Variants in SFXN3 observed in about 807,000 individuals in gnomAD.
The protein encoded by SFXN3 is sideroflexin-3.
SFXN3 carries 31 observed loss-of-function variants against 40.4 expected under a neutral mutation model. The observed-to-expected ratio is 0.77, with a 90% confidence interval of 0.58 to 1.04. The LOEUF is 1.04. Among genes scored for constraint, SFXN3 ranks in the 50% least tolerant of loss-of-function variants. SFXN3 has a pLI of 0.00. For synonymous variants in SFXN3, 157 were observed against 160.0 expected, an observed-to-expected ratio of 0.98 and a Z score of 0.14; for missense variants, 366 against 408.2, an observed-to-expected ratio of 0.90 and a Z score of 0.89.
Position 101,036,128 on chromosome 10 carries a change from G to C in SFXN3, c.431+27G>C. ...TGAGAGCCAGCCCCCAGCAGCAGCT[G>C]CACTGTCCCATCTGACCCTCTCCTC... On this transcript the variant is annotated intron_variant, in intron 5 of 11. Coordinates refer to ENST00000393459, the Ensembl canonical transcript of SFXN3. The surrounding 1 kb of genome is among the most constrained non-coding windows in gnomAD (Gnocchi z 4.2). 1 of 1,573,700 alleles carries C rather than the reference G, an allele frequency of 6.4e-7. No homozygotes were observed. The highest frequency in any genetic ancestry group is 8.7e-7 in the Non-Finnish European group (1 of 1,144,242).
Position 101,036,951 on chromosome 10 carries a change from T to C in SFXN3, c.594-125T>C. 6.6e-7 allele frequency: 1 copy of C among 1,522,018 alleles called. No individual in the cohort carries two copies. The highest frequency in any genetic ancestry group is 8.8e-7 in the Non-Finnish European group (1 of 1,130,038). 94.3% of individuals were successfully genotyped at this position (1,522,018 alleles called of 1,614,324 possible). On this transcript the variant is annotated intron_variant, in intron 7 of 11. Coordinates refer to ENST00000393459, the Ensembl canonical transcript of SFXN3. This position sits in a 1 kb window ranked among gnomAD's most constrained non-coding sequence, Gnocchi z 4.2. ...CTGGCTCAGTCTGACCCTGGGATCCTCAGGTGGGAGAACCAGCCTTTGAGC... is the reference window on the plus strand; with the variant it reads ...CTGGCTCAGTCTGACCCTGGGATCCCCAGGTGGGAGAACCAGCCTTTGAGC...
Position 101,039,432 on chromosome 10 carries a change from G to C in SFXN3, c.870-57G>C. 1 of 1,508,080 alleles carries C rather than the reference G, an allele frequency of 6.6e-7. No homozygotes were observed. The highest frequency in any genetic ancestry group is 9.2e-7 in the Non-Finnish European group (1 of 1,083,938). 93.4% of individuals were successfully genotyped at this position (1,508,080 alleles called of 1,614,324 possible). ...GGAGGAGGTGGGATGGCAATCCCTG[G>C]GCCTGAGTGGGGTTGGATTCAGGGG... is the stretch of plus-strand genomic sequence containing the variant. On this transcript the variant is annotated intron_variant, in intron 11 of 11. Coordinates refer to ENST00000393459, the Ensembl canonical transcript of SFXN3. The surrounding 1 kb of genome is among the most constrained non-coding windows in gnomAD (Gnocchi z 4.6).
chr10:101,032,084 T>C (rs953296332), intron 1 of SFXN3: 1 of 220,776 alleles, frequency 4.5e-6, no homozygotes, highest in Non-Finnish European at 8.9e-6. Context: ...CCCGGGGCTT[T>C]CTCTCTGGGC....
In SFXN3 at chr10:101,036,074, G is replaced by T; in HGVS notation, c.404G>T (p.Arg135Leu). The T allele has an allele frequency of 1.2e-6, 2 of 1,613,860 alleles. No homozygotes were observed. Among genetic ancestry groups the T allele is most frequent in the Non-Finnish European group, 1.7e-6 (2 of 1,179,874 alleles). Residue 135 changes from arginine to leucine, a missense_variant, in exon 5 of 12, where the codon CGC becomes CTC. Physicochemically the swap from Arg to Leu is moderately radical, Grantham distance 102. Coordinates refer to ENST00000393459, the Ensembl canonical transcript of SFXN3. This position sits in a 1 kb window ranked among gnomAD's most constrained non-coding sequence, Gnocchi z 4.2. ...AATGCCATTGTTAACTACTCCAACCGCAGTGGTGACACTCCCATCACTGTG... is the reference window on the plus strand; with the variant it reads ...AATGCCATTGTTAACTACTCCAACCTCAGTGGTGACACTCCCATCACTGTG...
chr10:101,038,429 G>C, intron 9 of SFXN3: 1 of 1,433,246 alleles, frequency 7.0e-7, no homozygotes, highest in Non-Finnish European at 9.1e-7. Flanking sequence ...GAGGTCATGG[G>C]ATGCCGGGGA....
rs769426357 is a variant in SFXN3, at chr10:101,039,221, A to G, written c.868A>G (p.Ser290Gly). The change falls in exon 11 of 12, where the codon AGC (serine) becomes GGC (glycine). Residue 290 changes from serine to glycine, a missense_variant and splice_region_variant. Transcript: ENST00000393459. The surrounding 1 kb of genome is among the most constrained non-coding windows in gnomAD (Gnocchi z 4.6). ...GTGCTGTGCCCTATTCCCCCAGAAG[A>G]GGTAAGTGCTGTCCCTGGGCTGGGT... The G allele has an allele frequency of 3.2e-5, 52 of 1,603,698 alleles. No individual in the cohort carries two copies. Among genetic ancestry groups the G allele is most frequent in the Middle Eastern group, 1.7e-4 (1 of 6,024 alleles).
At chr10:101,035,392 G>T (rs1938539485) in intron 3 of SFXN3, 105 bp from the exon 4 acceptor site, 2 of 1,351,660 alleles carry the variant, frequency 1.5e-6, no homozygotes, top group Non-Finnish European at 2.0e-6. Context: ...GGGGGCTGAA[G>T]TTCCTGGTTC....
rs1938293230 is a variant in SFXN3 at position 101,032,312 on chromosome 10, A to C, written c.-172-2A>C. 1.4e-6 allele frequency: 1 copy of C among 733,806 alleles called. No individual in the cohort carries two copies. Among genetic ancestry groups the C allele is most frequent in the Non-Finnish European group, 2.1e-6 (1 of 471,810 alleles). The allele number at this position is 733,806 out of a possible 1,614,324, so 45.5% of individuals were successfully genotyped here. A position where few individuals can be genotyped will look rare whatever the true frequency, so the allele number is the denominator to read the frequency against. On this transcript the variant is annotated splice_acceptor_variant, in intron 1 of 11. Coordinates refer to ENST00000393459, the Ensembl canonical transcript of SFXN3. LOFTEE classifies it low-confidence loss of function (5UTR_SPLICE). ...GCCTCGAATGACACCCACCGCCCTCAGGTTCTGCCAATCCCCGTGCCCACC... is the reference window on the plus strand; with the variant it reads ...GCCTCGAATGACACCCACCGCCCTCCGGTTCTGCCAATCCCCGTGCCCACC...
Position 101,039,265 on chromosome 10 carries a change from C to A in SFXN3, c.869+43C>A. On this transcript the variant is annotated intron_variant, in intron 11 of 11. Transcript: ENST00000393459. This position sits in a 1 kb window ranked among gnomAD's most constrained non-coding sequence, Gnocchi z 4.6. ...GCTGGGTGGGGGACTCTGGATTGGA[C>A]TCTGCATCTCTGGACCAGCTGACCT... 4 of 1,539,142 alleles carry A rather than the reference C, an allele frequency of 2.6e-6. No homozygotes were observed. Among genetic ancestry groups the A allele is most frequent in the Non-Finnish European group, 3.5e-6 (4 of 1,127,524 alleles).
intron 2 of SFXN3, among the ~76,000 whole-genome samples, chr10:101,034,236 C>T (rs1193625918): frequency 1.3e-5 from 2 of 152,246 alleles, no homozygotes; most frequent in East Asian, 1.9e-4. Context: ...TGTGGCTTTC[C>T]GCAGTTAATT....
rs895653030 is a variant in SFXN3 at position 101,037,840 on chromosome 10, A to G, written c.771+409A>G. ...CAGGAACAAGCTCTGGCTCATTCAC[A>G]GAATCATTTATTCACAAATGTATTG... On this transcript the variant is annotated intron_variant, in intron 9 of 11. Transcript: ENST00000393459. The G allele has an allele frequency of 3.7e-6, 4 of 1,080,774 alleles. No individual in the cohort carries two copies. The Admixed American group carries it at 1.4e-4, about 38-fold the overall frequency. The allele number at this position is 1,080,774 out of a possible 1,614,324, so 66.9% of individuals were successfully genotyped here.
At chr10:101,032,825 G>A (rs972210008) in intron 2 of SFXN3, among the ~76,000 whole-genome samples, 3 of 152,186 alleles carry the variant, frequency 2.0e-5, no homozygotes, top group Non-Finnish European at 2.9e-5. Context: ...CTGCCTCTGC[G>A]GGAGGAAGTG....
At chr10:101,035,847 T>C (rs1938571614) in intron 4 of SFXN3, 156 bp from the exon 5 acceptor site, 1 of 1,092,264 alleles carries the variant, frequency 9.2e-7, no homozygotes, top group Admixed American at 2.1e-5. Context: ...TTTGTATAAA[T>C]GGGGGTGGGG....
rs998273061 is a variant in SFXN3 at position 101,038,671 on chromosome 10, A to G, written c.800A>G (p.Gln267Arg). ...CGCCCCTGGCTGGGGGCACCCCTGC[A>G]GGTGGGACTGGTGGGCTTCTGGTAA... The change falls in exon 10 of 12, where the codon CAG becomes CGG. Residue 267 changes from glutamine to arginine, a missense_variant. Gln to Arg is a conservative substitution (Grantham distance 43). Coordinates refer to ENST00000393459, the Ensembl canonical transcript of SFXN3. The G allele has an allele frequency of 1.2e-6, 2 of 1,612,736 alleles. No homozygotes were observed. Among genetic ancestry groups the G allele is most frequent in the Admixed American group, 3.3e-5 (2 of 60,012 alleles).
chr10:101,034,714 ACAT>A, exon 3 of SFXN3: 1 of 1,614,058 alleles, frequency 6.2e-7, no homozygotes, highest in Non-Finnish European at 8.5e-7. Context: ...TTGCCTTTAG[ACAT>A]CAACATCCAG....
At chr10:101,033,380 C>T (rs1938419259) in intron 2 of SFXN3, among the ~76,000 whole-genome samples, 1 of 152,146 alleles carries the variant, frequency 6.6e-6, no homozygotes, top group South Asian at 2.1e-4. Context: ...TGTAAATCCT[C>T]ACTCATGAAA....
chr10:101,032,592 G>A (rs1010136802), intron 2 of SFXN3, 110 bp downstream of exon 2: 40 of 1,250,418 alleles, frequency 3.2e-5, no homozygotes, highest in Non-Finnish European at 3.6e-5. Flanking sequence ...GCTCTGTGGA[G>A]GTCCAAGTCC....
intron 9 of SFXN3, 80 bp downstream of exon 9, chr10:101,037,511 C>T (rs1396191944): frequency 5.0e-5 from 81 of 1,612,720 alleles, no homozygotes; most frequent in Non-Finnish European, 6.4e-5. Flanking sequence ...TCTCCAGCCT[C>T]GCCTGATTCT....
intron 9 of SFXN3, 93 bp from the exon 10 acceptor site, chr10:101,038,550 C>T: frequency 1.2e-6 from 2 of 1,609,072 alleles, no homozygotes; most frequent in South Asian, 1.1e-5. Context: ...GGCTCCAAGG[C>T]AAGGCTGATG....
Sources: allele counts gnomAD v4.1 joint callset (sites outside exome capture counted in the v4.1 genomes callset), GRCh38; gene constraint gnomAD v4.1.1; non-coding constraint Gnocchi (gnomAD v3.1); transcripts MANE v1.5; gene names NCBI Gene and HGNC (gene_info 2026-07-23, HGNC 2026-07-21).